The following SNX29 variants were observed in gnomAD, a reference collection of about 807,000 sequenced individuals.
The protein encoded by SNX29 is sorting nexin-29.
In SNX29, 78 loss-of-function variants were observed where a neutral mutation model predicts 102.1. The ratio of observed to expected loss-of-function variants is 0.76; its 90% CI spans 0.64 to 0.92. SNX29 has a LOEUF of 0.92. Ranked by LOEUF, SNX29 falls within the 40% of genes least tolerant of loss-of-function variation. The pLI is 0.00. For synonymous variants in SNX29, 580 were observed against 414.5 expected (o/e 1.40, Z -4.85); for missense variants, 1,280 against 1,061.7 (o/e 1.21, Z -2.86).
At chr16:12,435,715 T>C (rs1412823285) in intron 18 of SNX29, among the ~76,000 whole-genome samples, 1 of 152,210 alleles carries the variant, frequency 6.6e-6, no homozygotes, top group Non-Finnish European at 1.5e-5. Flanking sequence ...TTTGCTTTGC[T>C]CCTAGAAGGC....
chr16:12,255,982 T>C (rs1025885017), intron 14 of SNX29, among the ~76,000 whole-genome samples: 1 of 152,236 alleles, frequency 6.6e-6, no homozygotes, highest in African/African-American at 2.4e-5. Flanking sequence ...TGTACTAATT[T>C]ACGTTCCTAC....
chr16:12,495,146 A>G (rs986218210), intron 19 of SNX29, among the ~76,000 whole-genome samples: 14 of 151,822 alleles, frequency 9.2e-5, no homozygotes, highest in African/African-American at 3.4e-4. Context: ...CTCAATGGCA[A>G]TTCTTTCGTT....
Position 12,570,166 on chromosome 16 carries a change from A to AC in SNX29, c.*1541dup, listed in dbSNP as rs990366502. The AC allele has an allele frequency of 3.1e-5, 33 of 1,061,880 alleles. No homozygotes were observed. The East Asian group carries it at 7.6e-4, about 24-fold the overall frequency. 65.8% of individuals were successfully genotyped at this position (1,061,880 alleles called of 1,614,324 possible). On this transcript the variant is annotated 3_prime_UTR_variant, in exon 21 of 21. Coordinates refer to ENST00000566228, the MANE Select transcript of SNX29 (RefSeq NM_032167.5). ...GATCACTCACACACAGCGCCCCCCCACCCCAGAGAAACCGAGTCAGCCTAC... is the reference window on the plus strand; with the variant it reads ...GATCACTCACACACAGCGCCCCCCCACCCCCAGAGAAACCGAGTCAGCCTAC...
chr16:12,286,147 T>A (rs921822406), intron 15 of SNX29, among the ~76,000 whole-genome samples: 2 of 150,488 alleles, frequency 1.3e-5, no homozygotes, highest in Admixed American at 1.3e-4. Context: ...CTGTCCTGTT[T>A]GTTTTTTTTT....
At chr16:12,119,879 A>C (rs2053899039) in intron 11 of SNX29, among the ~76,000 whole-genome samples, 2 of 152,210 alleles carry the variant, frequency 1.3e-5, no homozygotes, top group African/African-American at 4.8e-5. Context: ...CCTTGTGAGA[A>C]TTACATGAGA....
intron 19 of SNX29, among the ~76,000 whole-genome samples, chr16:12,496,819 G>C (rs368225641): frequency 6.6e-6 from 1 of 152,148 alleles, no homozygotes; most frequent in Non-Finnish European, 1.5e-5. Context: ...AGACATTTTG[G>C]AGCAGGTGAT....
chr16:12,016,095 C>A (rs1037600318), intron 3 of SNX29, among the ~76,000 whole-genome samples: 3 of 151,760 alleles, frequency 2.0e-5, no homozygotes, highest in African/African-American at 7.3e-5. Flanking sequence ...AAATTCCTGA[C>A]CTCAAGTGAT....
At chr16:12,399,103 T>G (rs1307103404) in intron 17 of SNX29, among the ~76,000 whole-genome samples, 1 of 152,152 alleles carries the variant, frequency 6.6e-6, no homozygotes, top group Non-Finnish European at 1.5e-5. Context: ...CAGGCTGGAG[T>G]GCAGTGGCAC....
At chr16:11,980,711 T>C (rs529774871) in intron 1 of SNX29, among the ~76,000 whole-genome samples, 1 of 152,308 alleles carries the variant, frequency 6.6e-6, no homozygotes, top group East Asian at 1.9e-4. Context: ...TGAAGTGGTA[T>C]TTCTTCGTAG....
intron 14 of SNX29, among the ~76,000 whole-genome samples, chr16:12,207,156 G>GT (rs2077065540): frequency 6.6e-6 from 1 of 152,008 alleles, no homozygotes; most frequent in African/African-American, 2.4e-5. Flanking sequence ...ATCACCAGAG[G>GT]TCAGGAGTTC....
At chr16:12,378,203 A>G (rs1017879208) in intron 16 of SNX29, among the ~76,000 whole-genome samples, 3 of 152,228 alleles carry the variant, frequency 2.0e-5, no homozygotes, top group Non-Finnish European at 4.4e-5. Context: ...ATGACTGGAA[A>G]GTTCAAGATT....
intron 15 of SNX29, among the ~76,000 whole-genome samples, chr16:12,290,291 G>T (rs372167102): frequency 6.6e-6 from 1 of 152,128 alleles, no homozygotes. Context: ...TCTCACTGCA[G>T]ACCTTCACAC....
chr16:12,303,388 T>C (rs2080243794), intron 15 of SNX29, among the ~76,000 whole-genome samples: 1 of 152,064 alleles, frequency 6.6e-6, no homozygotes, highest in Non-Finnish European at 1.5e-5. Context: ...TGTTACAGCA[T>C]AGAAATCAAC....
At chr16:12,486,213 C>T (rs2088223662) in intron 19 of SNX29, among the ~76,000 whole-genome samples, 1 of 152,180 alleles carries the variant, frequency 6.6e-6, no homozygotes, top group Non-Finnish European at 1.5e-5. Flanking sequence ...CAGATCTTCC[C>T]CCGATCACAG....
chr16:12,353,528 C>T (rs1432484877), intron 15 of SNX29, among the ~76,000 whole-genome samples: 1 of 152,182 alleles, frequency 6.6e-6, no homozygotes, highest in Non-Finnish European at 1.5e-5. Flanking sequence ...CACACACTGT[C>T]AGTAACTGAT....
chr16:12,264,281 T>C (rs913739674), intron 14 of SNX29, among the ~76,000 whole-genome samples: 5 of 152,242 alleles, frequency 3.3e-5, no homozygotes, highest in South Asian at 2.1e-4. Context: ...AGTCCTAGCA[T>C]TGAGGCAGTT....
chr16:12,398,983 C>T lies in SNX29; in HGVS notation c.1955+482C>T, dbSNP rs113327998. ...AAACAACAGTAGTCCATGCCTTGGT[C>T]GGATTTTTGATTGGGTTCAATTCTA... is the stretch of plus-strand genomic sequence containing the variant. On this transcript the variant is annotated intron_variant, in intron 17 of 20. Transcript: ENST00000566228. Among the ~76,000 whole-genome samples, 81 of 152,132 alleles carry T rather than the reference C, an allele frequency of 5.3e-4. 1 individual carries two copies. The highest frequency in any genetic ancestry group is 4.1e-4 in the South Asian group (2 of 4,828).
intron 19 of SNX29, among the ~76,000 whole-genome samples, chr16:12,513,828 C>A (rs1451320379): frequency 6.6e-6 from 1 of 152,192 alleles, no homozygotes; most frequent in East Asian, 1.9e-4. Flanking sequence ...TTTGGGAAGC[C>A]ACCGCTATGA....
intron 16 of SNX29, among the ~76,000 whole-genome samples, chr16:12,394,332 G>A (rs2083644464): frequency 6.6e-6 from 1 of 152,220 alleles, no homozygotes; most frequent in Non-Finnish European, 1.5e-5. Flanking sequence ...TTTGTAGTGG[G>A]AGGCAGTATA....
Sources: allele counts gnomAD v4.1 joint callset (sites outside exome capture counted in the v4.1 genomes callset), GRCh38; gene constraint gnomAD v4.1.1; transcripts MANE v1.5; gene names NCBI Gene and HGNC (gene_info 2026-07-23, HGNC 2026-07-21).